GPC6: variants seen among roughly 807,000 people sequenced by gnomAD.
GPC6 encodes glypican-6.
In GPC6, 14 loss-of-function variants were observed where a neutral mutation model predicts 55.2. The observed-to-expected ratio is 0.25, with a 90% CI of 0.17 to 0.40. The LOEUF (loss-of-function observed/expected upper bound fraction) is 0.40, where lower values mean the gene tolerates loss of function less well. Among genes scored for constraint, GPC6 ranks in the 10% least tolerant of loss-of-function variants. The pLI, the probability that GPC6 is intolerant of heterozygous loss-of-function variation, is 1.00. For synonymous variants in GPC6, 278 were observed against 259.6 expected (o/e 1.07, Z -0.68); for missense variants, 641 against 708.5 (o/e 0.90, Z 1.08).
chr13:94,368,248 G>T (rs1189889664), intron 6 of GPC6, among the ~76,000 whole-genome samples: 1 of 151,854 alleles, frequency 6.6e-6, no homozygotes, highest in African/African-American at 2.4e-5. Flanking sequence ...ATATGATAGA[G>T]CCCAAAATGT....
chr13:93,295,259 G>A (rs1878449393), intron 1 of GPC6, among the ~76,000 whole-genome samples: 2 of 123,216 alleles, frequency 1.6e-5, no homozygotes, highest in African/African-American at 6.4e-5. Context: ...CCATTGCACA[G>A]AAGCTGGGGT....
intron 3 of GPC6, among the ~76,000 whole-genome samples, chr13:93,977,642 GT>G (rs1880587731): frequency 6.6e-6 from 1 of 152,006 alleles, no homozygotes; most frequent in African/African-American, 2.4e-5. Context: ...ACCTCTTGAG[GT>G]TAATGATTTG....
At position 93,693,439 on chromosome 13, in the gene GPC6, A is replaced by ATGTG. The variant is rs4001851; in HGVS notation, c.320-136705_320-136702dup. Among the ~76,000 whole-genome samples, 598 of 149,320 alleles carry ATGTG rather than the reference A, an allele frequency of 4.0e-3. 7 individuals are homozygous for ATGTG. Among genetic ancestry groups the ATGTG allele is most frequent in the African/African-American group, 0.013 (532 of 40,656 alleles). On this transcript the variant is annotated intron_variant, in intron 2 of 8. Coordinates refer to ENST00000377047, the MANE Select transcript of GPC6 (RefSeq NM_005708.5). ...CATTCATATATATATATGGAGATAT[A>ATGTG]TGTGTGTGTGTGTATGTATATCTGT... is the stretch of plus-strand genomic sequence containing the variant.
At chr13:94,025,302 C>G (rs1441877950) in intron 3 of GPC6, among the ~76,000 whole-genome samples, 1 of 152,134 alleles carries the variant, frequency 6.6e-6, no homozygotes, top group African/African-American at 2.4e-5. Flanking sequence ...AAGTTAGTAA[C>G]CATGCCCAGT....
At chr13:93,347,598 A>G (rs1421852014) in intron 1 of GPC6, among the ~76,000 whole-genome samples, 1 of 152,154 alleles carries the variant, frequency 6.6e-6, no homozygotes, top group Non-Finnish European at 1.5e-5. Flanking sequence ...TGCCCAATCG[A>G]ACAAACGTGC....
intron 2 of GPC6, among the ~76,000 whole-genome samples, chr13:93,827,859 A>G (rs539768879): frequency 1.3e-5 from 2 of 152,212 alleles, no homozygotes; most frequent in East Asian, 3.9e-4. Context: ...GGCATAGCTC[A>G]ATATTCAGAG....
At chr13:93,895,518 A>T (rs1875959925) in intron 3 of GPC6, among the ~76,000 whole-genome samples, 1 of 151,734 alleles carries the variant, frequency 6.6e-6, no homozygotes, top group Non-Finnish European at 1.5e-5. Flanking sequence ...GCAACAGAAA[A>T]TTCATTTTTA....
chr13:94,102,409 T>C (rs1024888498), intron 4 of GPC6, among the ~76,000 whole-genome samples: 13 of 152,090 alleles, frequency 8.5e-5, no homozygotes, highest in African/African-American at 2.9e-4. Flanking sequence ...GGGCCTACTT[T>C]TAAGACCTTC....
intron 2 of GPC6, among the ~76,000 whole-genome samples, chr13:93,560,368 A>G (rs1257817320): frequency 6.8e-6 from 1 of 147,678 alleles, no homozygotes; most frequent in Non-Finnish European, 1.5e-5. Context: ...AAAAAAAATT[A>G]ACCAAGTGTT....
At chr13:94,052,450 C>T (rs772647159) in intron 4 of GPC6, among the ~76,000 whole-genome samples, 1 of 152,150 alleles carries the variant, frequency 6.6e-6, no homozygotes, top group East Asian at 1.9e-4. Context: ...AGGTTATGAA[C>T]TGCCTCATAT....
intron 3 of GPC6, among the ~76,000 whole-genome samples, chr13:93,971,755 A>C (rs1210284634): frequency 6.6e-6 from 1 of 152,226 alleles, no homozygotes; most frequent in Non-Finnish European, 1.5e-5. Context: ...TAGTGACAGG[A>C]TTGCAGAAGA....
At chr13:94,327,615 C>T (rs1877193504) in intron 6 of GPC6, among the ~76,000 whole-genome samples, 1 of 152,172 alleles carries the variant, frequency 6.6e-6, no homozygotes, top group Admixed American at 6.5e-5. Flanking sequence ...TGACCCAGGT[C>T]CCCTTTTCAA....
At chr13:94,273,383 GC>G (rs1892104774) in intron 4 of GPC6, among the ~76,000 whole-genome samples, 1 of 152,196 alleles carries the variant, frequency 6.6e-6, no homozygotes, top group Non-Finnish European at 1.5e-5. Flanking sequence ...CAATGTGAAT[GC>G]TTTTATAGCT....
chr13:94,093,325 A>T (rs1376951872), intron 4 of GPC6, among the ~76,000 whole-genome samples: 1 of 151,958 alleles, frequency 6.6e-6, no homozygotes, highest in Non-Finnish European at 1.5e-5. Flanking sequence ...CTGCATATGG[A>T]TATCTAGTTT....
intron 4 of GPC6, among the ~76,000 whole-genome samples, chr13:94,275,711 T>A (rs997114885): frequency 1.4e-4 from 21 of 151,130 alleles, no homozygotes; most frequent in Middle Eastern, 3.4e-3. Flanking sequence ...TGATTTTTTT[T>A]AAAAAGAAAC....
intron 1 of GPC6, among the ~76,000 whole-genome samples, chr13:93,477,730 A>G (rs4238306): frequency 0.21 from 31,937 of 152,124 alleles, 3,563 homozygotes; most frequent in East Asian, 0.37. Flanking sequence ...CTAAGAGTGC[A>G]CAAATCAGTA....
intron 1 of GPC6, among the ~76,000 whole-genome samples, chr13:93,486,635 T>C (rs1879719897): frequency 1.3e-5 from 2 of 152,300 alleles, no homozygotes; most frequent in South Asian, 4.1e-4. Context: ...AAAACAAATC[T>C]ATTAACTCCA....
intron 1 of GPC6, among the ~76,000 whole-genome samples, chr13:93,262,462 C>G (rs1461833035): frequency 6.6e-6 from 1 of 152,126 alleles, no homozygotes; most frequent in Non-Finnish European, 1.5e-5. Flanking sequence ...TTCCACATGT[C>G]TCATTTTCAA....
intron 2 of GPC6, among the ~76,000 whole-genome samples, chr13:93,595,434 A>G (rs1300428125): frequency 6.6e-6 from 1 of 152,176 alleles, no homozygotes; most frequent in Admixed American, 6.5e-5. Context: ...TCTAATCAGA[A>G]AATAATCTTT....
Sources: gnomAD v4.1 joint callset for allele counts (sites outside exome capture counted in the v4.1 genomes callset) on GRCh38, gnomAD v4.1.1 for gene constraint, MANE v1.5 for transcripts, NCBI Gene and HGNC (gene_info 2026-07-23, HGNC 2026-07-21) for gene names.